Variants in ANKFN1 observed in about 807,000 individuals in gnomAD.
ANKFN1 encodes the protein ankyrin repeat and fibronectin type-III domain-containing protein 1.
A neutral mutation model predicts 108.7 loss-of-function variants in ANKFN1; 74 were observed. The ratio of observed to expected loss-of-function variants is 0.68; its 90% CI spans 0.56 to 0.83. ANKFN1 has a LOEUF of 0.83. ANKFN1 is among the 40% of genes least tolerant of loss of function. The probability of loss-of-function intolerance (pLI) is 0.00; values close to 1 mark genes in which losing one functional copy is unlikely to be tolerated. For missense variants in ANKFN1, 1,505 were observed against 1,382.3 expected, an observed-to-expected ratio of 1.09 and a Z score of -1.41; for synonymous variants, 547 against 516.2, an observed-to-expected ratio of 1.06 and a Z score of -0.81.
chr17:56,152,396 CT>C (rs1908711375), upstream of ANKFN1, among the ~76,000 whole-genome samples: 1 of 151,712 alleles, frequency 6.6e-6, no homozygotes, highest in Admixed American at 6.6e-5. Context: ...ATTATTACTT[CT>C]TTTCATTTAC....
intron 3 of ANKFN1, among the ~76,000 whole-genome samples, chr17:56,324,329 G>A (rs2045456212): frequency 6.6e-6 from 1 of 152,192 alleles, no homozygotes; most frequent in South Asian, 2.1e-4. Flanking sequence ...GTCTATTGAA[G>A]AGTAGACTAA....
chr17:56,335,510 GCT>G (rs528421102), intron 4 of ANKFN1, among the ~76,000 whole-genome samples: 134 of 152,100 alleles, frequency 8.8e-4, no homozygotes, highest in African/African-American at 3.1e-3. Flanking sequence ...TCATGATTTG[GCT>G]CTCTGTTTGT....
chr17:56,233,497 C>G (rs370203886), intron 3 of ANKFN1, among the ~76,000 whole-genome samples: 2 of 152,030 alleles, frequency 1.3e-5, no homozygotes, highest in Non-Finnish European at 2.9e-5. Context: ...AGTAACAACT[C>G]AAACATTTTA....
intron 4 of ANKFN1, among the ~76,000 whole-genome samples, chr17:56,054,976 T>A (rs1444163287): frequency 6.6e-6 from 1 of 151,832 alleles, no homozygotes. Flanking sequence ...CAGGGAGTCA[T>A]AACATTTTTG....
At chr17:56,203,199 A>C (rs1567834981) in intron 1 of ANKFN1, among the ~76,000 whole-genome samples, 1 of 152,168 alleles carries the variant, frequency 6.6e-6, no homozygotes, top group African/African-American at 2.4e-5. Flanking sequence ...ATTTTTATGA[A>C]TATATCATCA....
At chr17:56,439,425 A>T (rs535739146) in intron 8 of ANKFN1, among the ~76,000 whole-genome samples, 1 of 151,844 alleles carries the variant, frequency 6.6e-6, no homozygotes, top group African/African-American at 2.4e-5. Context: ...TGCACAATTT[A>T]TCTTTCCTGA....
Position 56,442,874 on chromosome 17 carries a change from A to G in ANKFN1, c.1040A>G (p.Tyr347Cys). ...GQQYFVQVSA[Y>C]NMKGWGPAQT... The stretch of plus-strand genomic sequence containing the variant: ...CAGTATTTTGTTCAAGTCTCGGCTT[A>G]CAATATGAAAGGATGGGGACCTGCT... The change falls in exon 10 of 21, where the codon TAC (tyrosine) becomes TGC (cysteine). Residue 347 changes from tyrosine (Y) to cysteine (C), a missense_variant. By Grantham distance (194) the Tyr-to-Cys change is radical (BLOSUM62 -2). Coordinates refer to ENST00000682825, the MANE Select transcript of ANKFN1 (RefSeq NM_001370326.1). 6.2e-7 allele frequency: 1 copy of G among 1,613,834 alleles called. No homozygotes were observed. Among genetic ancestry groups the G allele is most frequent in the Non-Finnish European group, 8.5e-7 (1 of 1,179,754 alleles).
At chr17:56,346,328 C>T (rs142111973) in intron 4 of ANKFN1, among the ~76,000 whole-genome samples, 5 of 152,000 alleles carry the variant, frequency 3.3e-5, no homozygotes, top group African/African-American at 4.8e-5. Context: ...AGCATGATGC[C>T]GCCAGCTTTG....
chr17:56,402,244 T>C (rs749951089), intron 8 of ANKFN1, among the ~76,000 whole-genome samples: 31 of 152,186 alleles, frequency 2.0e-4, no homozygotes, highest in South Asian at 1.0e-3. Flanking sequence ...TTCTCTATCT[T>C]ATGGAATAGT....
intron 3 of ANKFN1, among the ~76,000 whole-genome samples, chr17:56,259,286 T>C (rs2043440916): frequency 1.3e-5 from 2 of 152,198 alleles, no homozygotes; most frequent in Admixed American, 6.5e-5. Context: ...TTACAAACTC[T>C]GTAATATTGC....
At chr17:56,212,061 C>T (rs1915056759) in intron 1 of ANKFN1, among the ~76,000 whole-genome samples, 2 of 151,570 alleles carry the variant, frequency 1.3e-5, no homozygotes, top group Non-Finnish European at 2.9e-5. Context: ...GACAGTTTGA[C>T]TCCCTCAGTA....
intron 4 of ANKFN1, among the ~76,000 whole-genome samples, chr17:56,132,752 C>G (rs1467518938): frequency 4.6e-5 from 7 of 152,154 alleles, no homozygotes. Flanking sequence ...CTGCCGACTT[C>G]TGGCCATGTC....
chr17:56,314,836 A>G (rs1195139570), intron 3 of ANKFN1, among the ~76,000 whole-genome samples: 4 of 152,180 alleles, frequency 2.6e-5, no homozygotes, highest in Non-Finnish European at 5.9e-5. Flanking sequence ...CAGTCAAAAA[A>G]TTTATAGATG....
intron 8 of ANKFN1, among the ~76,000 whole-genome samples, chr17:56,422,648 G>A (rs949538738): frequency 3.9e-5 from 6 of 151,940 alleles, no homozygotes; most frequent in Non-Finnish European, 8.8e-5. Context: ...TTTATTTTAA[G>A]CCTTCAGATG....
rs534632893 is a variant in ANKFN1 at position 56,426,187 on chromosome 17, T to C, written c.911-14140T>C. ...CCTTACTCCCAAGATTTAATCCTGG[T>C]CAATGACCTTCCTGTCCCACCTTGG... On this transcript the variant is annotated intron_variant, in intron 8 of 20. Coordinates refer to ENST00000682825, the MANE Select transcript of ANKFN1 (RefSeq NM_001370326.1). 5.3e-5 allele frequency among the ~76,000 whole-genome samples: 8 copies of C among 152,362 alleles called. No individual in the cohort carries two copies. The South Asian group carries it at 6.2e-4, about 12-fold the overall frequency.
chr17:56,386,855 C>T (rs2047291153), intron 8 of ANKFN1, among the ~76,000 whole-genome samples: 1 of 151,946 alleles, frequency 6.6e-6, no homozygotes, highest in Non-Finnish European at 1.5e-5. Context: ...TTCTTATCAG[C>T]TTAGTAAGAA....
intron 3 of ANKFN1, among the ~76,000 whole-genome samples, chr17:56,290,434 A>G (rs1020435828): frequency 2.0e-5 from 3 of 152,240 alleles, no homozygotes; most frequent in African/African-American, 7.2e-5. Flanking sequence ...GAAGAGCCCA[A>G]GGAAATATTG....
chr17:56,259,067 T>A (rs138150555), intron 3 of ANKFN1, among the ~76,000 whole-genome samples: 1 of 152,326 alleles, frequency 6.6e-6, no homozygotes, highest in African/African-American at 2.4e-5. Context: ...GTGGAGTATC[T>A]TATGTAATCT....
rs1338559438 is a variant in ANKFN1 at position 56,480,831 on chromosome 17, A to T, written c.2091+13A>T. The T allele has an allele frequency of 6.2e-7, 1 of 1,609,194 alleles. No individual in the cohort carries two copies. Among genetic ancestry groups the T allele is most frequent in the East Asian group, 2.2e-5 (1 of 44,742 alleles). ...ACCTCTACACCAGGTACTAGACTTT[A>T]CCATTTTTATCTTCTTTTTTTATGG... On this transcript the variant is annotated intron_variant, in intron 17 of 20. Coordinates refer to ENST00000682825, the MANE Select transcript of ANKFN1 (RefSeq NM_001370326.1).
Sources: allele counts gnomAD v4.1 joint callset (sites outside exome capture counted in the v4.1 genomes callset), GRCh38; gene constraint gnomAD v4.1.1; transcripts MANE v1.5; gene names NCBI Gene and HGNC (gene_info 2026-07-23, HGNC 2026-07-21).